COL4A4: variants seen among roughly 807,000 people sequenced by gnomAD.
The protein encoded by COL4A4 is collagen type IV alpha 4 chain.
In COL4A4, 105 loss-of-function variants were observed where a neutral mutation model predicts 192.9. The ratio of observed to expected loss-of-function variants is 0.54; its 90% CI spans 0.46 to 0.64. The LOEUF (loss-of-function observed/expected upper bound fraction) is 0.64, where lower values mean the gene tolerates loss of function less well. Among genes scored for constraint, COL4A4 ranks in the 30% least tolerant of loss-of-function variants. The pLI is 0.00. For synonymous variants in COL4A4, 762 were observed against 769.9 expected (o/e 0.99, Z 0.17); for missense variants, 1,967 against 2,169.3 (o/e 0.91, Z 1.85).
At chr2:227,121,652 T>C (rs763444900) in intron 4 of COL4A4, among the ~76,000 whole-genome samples, 4 of 151,554 alleles carry the variant, frequency 2.6e-5, no homozygotes, top group South Asian at 2.1e-4. Context: ...AAGAAAATGA[T>C]TGACTTAAAA....
chr2:227,041,852 A>AAGAAAGAAAGAGAGAGAGAGAG (rs1971344345), intron 37 of COL4A4, among the ~76,000 whole-genome samples: 3 of 71,366 alleles, frequency 4.2e-5, no homozygotes, highest in African/African-American at 1.4e-4. Flanking sequence ...AAGAAAGAGA[A>AAGAAAGAAAGAGAGAGAGAGAG]AGAAAGAAAG....
chr2:227,032,185 T>C lies in COL4A4; in HGVS notation c.3669A>G (p.Pro1223=), dbSNP rs1303927433. Residue 1223 remains proline, a synonymous_variant, in exon 39 of 48, where the codon CCA becomes CCG. Transcript: ENST00000396625. ...GGGGACCTTTCTTTCCACGAGGACC[T>C]GGAGGAGAGATTCCTGGGCTCCCAG... ...GDPGSPGISP[P]GPRGKKGPPG... 1 of 1,614,208 alleles carries C rather than the reference T, an allele frequency of 6.2e-7. No homozygotes were observed. Among genetic ancestry groups the C allele is most frequent in the South Asian group, 1.1e-5 (1 of 91,084 alleles).
At chr2:226,977,269 G>A in the COL4A4 span, among the ~76,000 whole-genome samples, 2 of 152,096 alleles carry the variant, frequency 1.3e-5, no homozygotes, top group Non-Finnish European at 2.9e-5. Context: ...ATTTAACACA[G>A]TCTTGCCTTC....
Position 227,054,935 on chromosome 2 carries a change from G to A in COL4A4, c.2717-198C>T, listed in dbSNP as rs186556058. ...CTCCCGAGTAGCTGGGATTACAGGC[G>A]GGAGCCACCGCCCTTGGCTAATTTT... On this transcript the variant is annotated intron_variant, in intron 30 of 47. Coordinates refer to ENST00000396625, the MANE Select transcript of COL4A4 (RefSeq NM_000092.5). 0.012 allele frequency among the ~76,000 whole-genome samples: 1,774 copies of A among 152,162 alleles called. 22 individuals carry two copies. Among genetic ancestry groups the A allele is most frequent in the African/African-American group, 0.04 (1,678 of 41,496 alleles).
chr2:227,009,717 A>AAGAGAAGAGAAG (rs1174159936), intron 46 of COL4A4, among the ~76,000 whole-genome samples: 793 of 49,504 alleles, frequency 0.016, 11 homozygotes, highest in African/African-American at 0.065. Flanking sequence ...AAAAGAGGAA[A>AAGAGAAGAGAAG]AGAGAAGAGA....
intron 31 of COL4A4, among the ~76,000 whole-genome samples, chr2:227,053,926 G>T (rs1245771104): frequency 6.6e-6 from 1 of 152,096 alleles, no homozygotes; most frequent in Non-Finnish European, 1.5e-5. Flanking sequence ...TAGTTGAGAA[G>T]TTGGCAAACT....
chr2:227,036,539 ATGGTTGAAAAACC>A (rs1969712956), intron 37 of COL4A4, among the ~76,000 whole-genome samples: 1 of 152,248 alleles, frequency 6.6e-6, no homozygotes, highest in Non-Finnish European at 1.5e-5. Flanking sequence ...ACTATAAGTA[ATGGTTGAAAAACC>A]TGGAAGATTC....
intron 20 of COL4A4, among the ~76,000 whole-genome samples, chr2:227,093,753 C>T (rs7558081): frequency 0.51 from 77,100 of 151,904 alleles, 19,646 homozygotes; most frequent in Admixed American, 0.6. Flanking sequence ...GTATGTTAAA[C>T]GCTTTCTCTA....
At chr2:227,149,838 A>C (rs894210540) in intron 1 of COL4A4, among the ~76,000 whole-genome samples, 1 of 152,118 alleles carries the variant, frequency 6.6e-6, no homozygotes, top group Non-Finnish European at 1.5e-5. Context: ...GTTTCTCAGT[A>C]CATTTTAATT....
chr2:227,138,346 G>A (rs938272475), intron 4 of COL4A4, among the ~76,000 whole-genome samples: 1 of 150,344 alleles, frequency 6.7e-6, no homozygotes, highest in African/African-American at 2.5e-5. Flanking sequence ...AAAGAAAAAG[G>A]TCTCTGGCCT....
intron 22 of COL4A4, among the ~76,000 whole-genome samples, chr2:227,086,048 C>T (rs1319200010): frequency 9.9e-5 from 15 of 152,140 alleles, no homozygotes; most frequent in Admixed American, 9.8e-4. Flanking sequence ...TGCAGAGCTC[C>T]CAAATGTCGG....
At chr2:227,121,374 G>C (rs1029407591) in intron 4 of COL4A4, among the ~76,000 whole-genome samples, 1 of 151,994 alleles carries the variant, frequency 6.6e-6, no homozygotes, top group Non-Finnish European at 1.5e-5. Flanking sequence ...ACCAGCGTGG[G>C]CAACAAAGTG....
chr2:227,144,609 A>T, intron 2 of COL4A4, 51 bp from the exon 3 acceptor site: 1 of 1,415,940 alleles, frequency 7.1e-7, no homozygotes, highest in Non-Finnish European at 1.0e-6. Context: ...TTTTCATGTG[A>T]AACAAAAAGA....
intron 34 of COL4A4, among the ~76,000 whole-genome samples, chr2:227,048,785 T>C (rs1201154875): frequency 1.3e-5 from 2 of 152,150 alleles, no homozygotes; most frequent in Non-Finnish European, 2.9e-5. Context: ...GACTAATAAA[T>C]GTATAGGTAA....
chr2:227,062,565 C>T lies in COL4A4; in HGVS notation c.2021G>A (p.Gly674Glu). ...ATCAAAACCTGGAGGGCCATGCCTC[C>T]CAGGGTAGGTTACGTTGCAAGAAAT... Reference protein sequence around the residue: ...DTISCNVTYPGRHGPPGFDGP... With the variant: ...DTISCNVTYPERHGPPGFDGP... Residue 674 changes from glycine to glutamate, a missense_variant, in exon 26 of 48, where the codon GGG becomes GAG. Physicochemically the swap from Gly to Glu is moderately conservative, Grantham distance 98 (BLOSUM62 -2). Coordinates refer to ENST00000396625, the MANE Select transcript of COL4A4 (RefSeq NM_000092.5). 1 of 1,613,222 alleles carries T rather than the reference C, an allele frequency of 6.2e-7. No individual in the cohort carries two copies. Among genetic ancestry groups the T allele is most frequent in the Non-Finnish European group, 8.5e-7 (1 of 1,179,334 alleles).
chr2:227,028,780 C>T (rs890643946), intron 41 of COL4A4, among the ~76,000 whole-genome samples: 1 of 151,772 alleles, frequency 6.6e-6, no homozygotes, highest in Non-Finnish European at 1.5e-5. Flanking sequence ...CTCAGCCTCC[C>T]GAGTAGCTGG....
At chr2:227,088,541 C>A in intron 22 of COL4A4, 112 bp downstream of exon 22, 1 of 1,401,628 alleles carries the variant, frequency 7.1e-7, no homozygotes, top group Non-Finnish European at 1.0e-6. Context: ...GTCAATTAAA[C>A]CTCTTTCCTT....
At chr2:227,146,308 A>T (rs993322924) in intron 2 of COL4A4, among the ~76,000 whole-genome samples, 1 of 151,546 alleles carries the variant, frequency 6.6e-6, no homozygotes, top group Admixed American at 6.6e-5. Flanking sequence ...TTAAAAAAAA[A>T]TCCACAATTA....
At chr2:227,140,390 A>G (rs1247389935) in intron 3 of COL4A4, 152 bp from the exon 4 acceptor site, 3 of 694,246 alleles carry the variant, frequency 4.3e-6, no homozygotes, top group Non-Finnish European at 7.6e-6. Flanking sequence ...GAACTTACAC[A>G]GTAGCTTAAT....
Sources: gnomAD v4.1 joint callset for allele counts (sites outside exome capture counted in the v4.1 genomes callset) on GRCh38, gnomAD v4.1.1 for gene constraint, MANE v1.5 for transcripts, NCBI Gene and HGNC (gene_info 2026-07-23, HGNC 2026-07-21) for gene names.